The following GALNT18 variants were observed in gnomAD, a reference collection of about 807,000 sequenced individuals.
GALNT18 encodes the protein polypeptide N-acetylgalactosaminyltransferase 18, also known as GalNAc-transferase 18.
In GALNT18, 44 loss-of-function variants were observed where a neutral mutation model predicts 69.5. The ratio of observed to expected loss-of-function variants is 0.63; its 90% CI spans 0.50 to 0.81. The LOEUF (loss-of-function observed/expected upper bound fraction) is 0.81. GALNT18 is among the 40% of genes least tolerant of loss of function. The pLI is 0.00. For missense variants in GALNT18, 715 were observed against 810.0 expected, an observed-to-expected ratio of 0.88 and a Z score of 1.42; for synonymous variants, 364 against 318.2, an observed-to-expected ratio of 1.14 and a Z score of -1.53.
chr11:11,588,538 A>C (rs577027785), intron 1 of GALNT18, among the ~76,000 whole-genome samples: 10 of 152,310 alleles, frequency 6.6e-5, no homozygotes, highest in African/African-American at 2.4e-4. Context: ...GCTCCACAGT[A>C]TCCTTTTCTT....
Position 11,458,134 on chromosome 11 carries a change from T to C in GALNT18, c.236-9198A>G, listed in dbSNP as rs188129745. 2.2e-3 allele frequency among the ~76,000 whole-genome samples: 335 copies of C among 152,308 alleles called. 1 individual carries two copies. Among genetic ancestry groups the C allele is most frequent in the Non-Finnish European group, 3.6e-3 (246 of 68,026 alleles). The stretch of plus-strand genomic sequence containing the variant: ...CTTCTGGGTCTGCTATTCGCTCTCT[T>C]TGGGAAAGACCCAGAGTCCCTTCAA... On this transcript the variant is annotated intron_variant, in intron 1 of 10. Coordinates refer to ENST00000227756, the MANE Select transcript of GALNT18 (RefSeq NM_198516.3).
intron 9 of GALNT18, among the ~76,000 whole-genome samples, chr11:11,305,703 T>A (rs1849565869): frequency 6.6e-6 from 1 of 152,182 alleles, no homozygotes; most frequent in Admixed American, 6.5e-5. Flanking sequence ...ATAGAAGGAT[T>A]TGTGCTTGGT....
At position 11,461,215 on chromosome 11, in the gene GALNT18, G is replaced by A. The variant is rs952070190; in HGVS notation, c.236-12279C>T. ...GGCACTGCTGGGTCTTTCCTCCCCT[G>A]CAAGGGGGACTTCTGGGCCTGGGTG... On this transcript the variant is annotated intron_variant, in intron 1 of 10. Coordinates refer to ENST00000227756, the MANE Select transcript of GALNT18 (RefSeq NM_198516.3). This position sits in a 1 kb window ranked among gnomAD's most constrained non-coding sequence, Gnocchi z 4.1. Among the ~76,000 whole-genome samples the A allele has an allele frequency of 6.6e-5, 10 of 152,200 alleles. No individual in the cohort carries two copies. The highest frequency in any genetic ancestry group is 2.4e-4 in the African/African-American group (10 of 41,452).
rs1054170831 is a variant in GALNT18 at position 11,614,299 on chromosome 11, G to C, written c.235+7060C>G. Among the ~76,000 whole-genome samples, 5 of 151,912 alleles carry C rather than the reference G, an allele frequency of 3.3e-5. No individual in the cohort carries two copies. Among genetic ancestry groups the C allele is most frequent in the African/African-American group, 1.2e-4 (5 of 41,298 alleles). On this transcript the variant is annotated intron_variant, in intron 1 of 10. Transcript: ENST00000227756. This position sits in a 1 kb window ranked among gnomAD's most constrained non-coding sequence, Gnocchi z 5.6. ...CACAGCAGAAGGTAACAGGGAAGCAGGTATGTCACATAGTGAGAGAGGGGT... is the reference window on the plus strand; with the variant it reads ...CACAGCAGAAGGTAACAGGGAAGCACGTATGTCACATAGTGAGAGAGGGGT...
At chr11:11,364,345 C>T (rs1850708618) in intron 6 of GALNT18, among the ~76,000 whole-genome samples, 1 of 152,224 alleles carries the variant, frequency 6.6e-6, no homozygotes, top group African/African-American at 2.4e-5. Flanking sequence ...TCGTGTACCT[C>T]ATGATGGAGG....
At position 11,372,451 on chromosome 11, in the gene GALNT18, C is replaced by G; in HGVS notation, c.1092+64G>C. 1 of 1,269,922 alleles carries G rather than the reference C, an allele frequency of 7.9e-7. No homozygotes were observed. Among genetic ancestry groups the G allele is most frequent in the South Asian group, 1.2e-5 (1 of 82,816 alleles). 78.7% of individuals were successfully genotyped at this position (1,269,922 alleles called of 1,614,324 possible). On this transcript the variant is annotated intron_variant, in intron 6 of 10. Transcript: ENST00000227756. This position sits in a 1 kb window ranked among gnomAD's most constrained non-coding sequence, Gnocchi z 4.9. The stretch of plus-strand genomic sequence containing the variant: ...CTCAACCTTAAACCCCATTTCTCCA[C>G]CCCCAGACTCATTCACCCTGGTGGG...
chr11:11,457,492 G>A (rs931817356), intron 1 of GALNT18, among the ~76,000 whole-genome samples: 2 of 152,234 alleles, frequency 1.3e-5, no homozygotes, highest in African/African-American at 2.4e-5. Flanking sequence ...AAGGGAATCA[G>A]AGGAGTCAAA....
Position 11,389,878 on chromosome 11 carries a change from T to C in GALNT18, c.596-10614A>G, listed in dbSNP as rs1047936364. Among the ~76,000 whole-genome samples, 1 of 152,194 alleles carries C rather than the reference T, an allele frequency of 6.6e-6. No homozygotes were observed. The highest frequency in any genetic ancestry group is 1.5e-5 in the Non-Finnish European group (1 of 68,030). On this transcript the variant is annotated intron_variant, in intron 3 of 10. Coordinates refer to ENST00000227756, the MANE Select transcript of GALNT18 (RefSeq NM_198516.3). The surrounding 1 kb of genome is among the most constrained non-coding windows in gnomAD (Gnocchi z 4.3). ...AGGAAGGTCCAGTGCCCTTAGCAGT[T>C]AAGCCAGAGGCCAACTTGAATTTTG...
intron 1 of GALNT18, among the ~76,000 whole-genome samples, chr11:11,450,173 A>G (rs935798459): frequency 1.3e-5 from 2 of 152,354 alleles, no homozygotes; most frequent in Admixed American, 1.3e-4. Context: ...AGTGATCAGA[A>G]AAAACAGAAG....
At position 11,598,290 on chromosome 11, in the gene GALNT18, T is replaced by C. The variant is rs80226869; in HGVS notation, c.235+23069A>G. Among the ~76,000 whole-genome samples, 5,308 of 152,302 alleles carry C rather than the reference T, an allele frequency of 0.035. 281 individuals carry two copies. The highest frequency in any genetic ancestry group is 0.11 in the African/African-American group (4,675 of 41,540). ...AATGGCTTAAAACAACAGAAACTTATTCTCTAACAATTCTGGAGGCCAGAA... is the reference window on the plus strand; with the variant it reads ...AATGGCTTAAAACAACAGAAACTTACTCTCTAACAATTCTGGAGGCCAGAA... On this transcript the variant is annotated intron_variant, in intron 1 of 10. Transcript: ENST00000227756. This position sits in a 1 kb window ranked among gnomAD's most constrained non-coding sequence, Gnocchi z 4.8.
intron 2 of GALNT18, among the ~76,000 whole-genome samples, chr11:11,442,884 G>T (rs1855563460): frequency 6.6e-6 from 1 of 152,336 alleles, no homozygotes; most frequent in Admixed American, 6.5e-5. Flanking sequence ...GAAGGGCAAA[G>T]TCATTACTGA....
At chr11:11,450,335 G>T (rs1267567877) in intron 1 of GALNT18, among the ~76,000 whole-genome samples, 1 of 152,174 alleles carries the variant, frequency 6.6e-6, no homozygotes, top group Non-Finnish European at 1.5e-5. Context: ...GAGTGCTGGG[G>T]CTATGGACTG....
In GALNT18 at chr11:11,271,138, G is replaced by A. The variant is rs200663930; in HGVS notation, c.*6C>T. On this transcript the variant is annotated 3_prime_UTR_variant, in exon 11 of 11. Coordinates refer to ENST00000227756, the MANE Select transcript of GALNT18 (RefSeq NM_198516.3). ...CAAAGAGGCAGCCGGAAGTGGCCCC[G>A]GTGGGTCAGGACGCGAGGCTCCTCA... 1.5e-4 allele frequency: 243 copies of A among 1,605,704 alleles called. No individual in the cohort carries two copies. Among genetic ancestry groups the A allele is most frequent in the Non-Finnish European group, 1.8e-4 (217 of 1,173,264 alleles).
chr11:11,560,321 A>T (rs896807098), intron 1 of GALNT18, among the ~76,000 whole-genome samples: 2 of 82,480 alleles, frequency 2.4e-5, no homozygotes, highest in African/African-American at 4.5e-5. Flanking sequence ...ATATGATAGG[A>T]TGGGGTGGGA....
At chr11:11,476,920 T>C (rs1235884682) in intron 1 of GALNT18, among the ~76,000 whole-genome samples, 1 of 152,162 alleles carries the variant, frequency 6.6e-6, no homozygotes, top group Non-Finnish European at 1.5e-5. Context: ...TTCACTTAGA[T>C]TGAGGGACAA....
At position 11,332,592 on chromosome 11, in the gene GALNT18, T is replaced by C. The variant is rs900706565; in HGVS notation, c.1416+102A>G. 7.2e-7 allele frequency: 1 copy of C among 1,381,450 alleles called. No homozygotes were observed. Among genetic ancestry groups the C allele is most frequent in the Non-Finnish European group, 1.0e-6 (1 of 994,772 alleles). The allele number at this position is 1,381,450 out of a possible 1,614,324, so 85.6% of individuals were successfully genotyped here. A position where few individuals can be genotyped will look rare whatever the true frequency, so the allele number is the denominator to read the frequency against. On this transcript the variant is annotated intron_variant, in intron 8 of 10. Transcript: ENST00000227756. This position sits in a 1 kb window ranked among gnomAD's most constrained non-coding sequence, Gnocchi z 4.3. ...CCGGTCCCCAGGCCTACTGCAGTTC[T>C]TCATGTGAGCAGCTGAGAGGCTCTT...
At chr11:11,277,410 T>A (rs1034708192) in intron 10 of GALNT18, among the ~76,000 whole-genome samples, 6 of 152,096 alleles carry the variant, frequency 3.9e-5, no homozygotes, top group Non-Finnish European at 7.4e-5. Flanking sequence ...TTTTTGTTAG[T>A]CTGGCTAGTG....
rs1299335182 is a variant in GALNT18 at position 11,540,356 on chromosome 11, G to C, written c.235+81003C>G. Among the ~76,000 whole-genome samples the C allele has an allele frequency of 6.6e-6, 1 of 152,150 alleles. No individual in the cohort carries two copies. Among genetic ancestry groups the C allele is most frequent in the African/African-American group, 2.4e-5 (1 of 41,418 alleles). ...TGTGACTCCTACATCCCTGATGCTA[G>C]GACAAGAGCATGCCAAGAGCCCTGG... On this transcript the variant is annotated intron_variant, in intron 1 of 10. Coordinates refer to ENST00000227756, the MANE Select transcript of GALNT18 (RefSeq NM_198516.3). The surrounding 1 kb of genome is among the most constrained non-coding windows in gnomAD (Gnocchi z 4.6).
In GALNT18 at chr11:11,584,605, G is replaced by A. The variant is rs1361468723; in HGVS notation, c.235+36754C>T. On this transcript the variant is annotated intron_variant, in intron 1 of 10. Transcript: ENST00000227756. This position sits in a 1 kb window ranked among gnomAD's most constrained non-coding sequence, Gnocchi z 4.1. ...CCTTGAGATTCCTGAGGAGTGTGGA[G>A]AGCAAAGAAGCAAACCCAATGAGTC... Among the ~76,000 whole-genome samples, 1 of 152,128 alleles carries A rather than the reference G, an allele frequency of 6.6e-6. No homozygotes were observed. Among genetic ancestry groups the A allele is most frequent in the Non-Finnish European group, 1.5e-5 (1 of 68,030 alleles).
Sources: allele counts gnomAD v4.1 joint callset (sites outside exome capture counted in the v4.1 genomes callset), GRCh38; gene constraint gnomAD v4.1.1; non-coding constraint Gnocchi (gnomAD v3.1); transcripts MANE v1.5; gene names NCBI Gene and HGNC (gene_info 2026-07-23, HGNC 2026-07-21).